The following WDHD1 variants were observed in gnomAD, a reference collection of about 807,000 sequenced individuals.
The protein encoded by WDHD1 is WD repeat and HMG-box DNA-binding protein 1.
Under a neutral mutation model 135.4 loss-of-function variants are expected in WDHD1, and 111 were observed. The observed-to-expected ratio is 0.82, with a 90% CI of 0.70 to 0.96. The LOEUF (loss-of-function observed/expected upper bound fraction) is 0.96. Ranked by LOEUF, WDHD1 falls within the 40% of genes least tolerant of loss-of-function variation. The pLI is 0.00. For missense variants in WDHD1, 1,351 were observed against 1,336.3 expected, an observed-to-expected ratio of 1.01 and a Z score of -0.17; for synonymous variants, 434 against 439.0, an observed-to-expected ratio of 0.99 and a Z score of 0.14.
intron 10 of WDHD1, among the ~76,000 whole-genome samples, chr14:54,996,898 T>C (rs960282972): frequency 9.2e-5 from 14 of 151,934 alleles, no homozygotes; most frequent in South Asian, 2.1e-4. Flanking sequence ...TTCAAGCGAT[T>C]CTCCTGCCTC....
chr14:54,981,881 A>C lies in WDHD1; in HGVS notation c.1907-185T>G, dbSNP rs991058611. ...ACCATATAAAGTAAGACCTAACTAA[A>C]AAAAGAAAAAACATTGGATTTGATA... On this transcript the variant is annotated intron_variant, in intron 15 of 25. Coordinates refer to ENST00000360586, the MANE Select transcript of WDHD1 (RefSeq NM_007086.4). Among the ~76,000 whole-genome samples, 4 of 152,204 alleles carry C rather than the reference A, an allele frequency of 2.6e-5. No homozygotes were observed. In the East Asian group the frequency reaches 7.7e-4, roughly 29 times the overall value.
intron 7 of WDHD1, chr14:55,005,307 T>C (rs2042046995): frequency 3.6e-6 from 2 of 551,148 alleles, no homozygotes; most frequent in Non-Finnish European, 3.5e-6. Flanking sequence ...TGATCAGCAC[T>C]GGGATTAGTC....
chr14:55,008,759 C>A, intron 4 of WDHD1, 40 bp from the exon 5 acceptor site: 2 of 1,346,194 alleles, frequency 1.5e-6, no homozygotes, highest in Middle Eastern at 1.9e-4. Context: ...TAAATGCTAA[C>A]ACAAAGGCCT....
At chr14:55,001,131 C>A in intron 8 of WDHD1, 139 bp from the exon 9 acceptor site, 1 of 453,638 alleles carries the variant, frequency 2.2e-6, no homozygotes, top group Non-Finnish European at 3.8e-6. Flanking sequence ...TTTTTATATC[C>A]CTGTTCTATA....
intron 16 of WDHD1, among the ~76,000 whole-genome samples, chr14:54,970,553 GAATC>G (rs1005713895): frequency 6.8e-6 from 1 of 146,066 alleles, no homozygotes; most frequent in Non-Finnish European, 1.5e-5. Context: ...TGGATTAGAA[GAATC>G]AATATCATTA....
intron 16 of WDHD1, among the ~76,000 whole-genome samples, chr14:54,973,938 A>C (rs1015841036): frequency 1.1e-4 from 17 of 152,160 alleles, no homozygotes; most frequent in African/African-American, 3.1e-4. Flanking sequence ...AGCTTTAGAG[A>C]CTTCAACTAA....
At chr14:54,985,443 A>G (rs1328074024) in intron 14 of WDHD1, among the ~76,000 whole-genome samples, 1 of 152,214 alleles carries the variant, frequency 6.6e-6, no homozygotes, top group East Asian at 1.9e-4. Flanking sequence ...CGAAGAACAC[A>G]AAGAGGCAGT....
intron 2 of WDHD1, among the ~76,000 whole-genome samples, chr14:55,021,864 G>A (rs776671818): frequency 5.9e-5 from 9 of 152,172 alleles, no homozygotes; most frequent in Admixed American, 2.0e-4. Context: ...TTTCGGGCTC[G>A]ATGGCCTTCA....
chr14:54,952,151 G>A (rs2041067846), intron 24 of WDHD1, among the ~76,000 whole-genome samples: 2 of 152,144 alleles, frequency 1.3e-5, no homozygotes, highest in Admixed American at 6.6e-5. Flanking sequence ...GGGCAATCAG[G>A]CAGGAGAAAG....
chr14:54,990,724 C>G (rs979458482), intron 12 of WDHD1, among the ~76,000 whole-genome samples: 8 of 151,834 alleles, frequency 5.3e-5, no homozygotes, highest in African/African-American at 1.9e-4. Flanking sequence ...TATCAGTAAA[C>G]AAAACAAAAA....
intron 18 of WDHD1, among the ~76,000 whole-genome samples, chr14:54,964,220 A>G (rs2041304164): frequency 6.6e-6 from 1 of 152,214 alleles, no homozygotes; most frequent in Non-Finnish European, 1.5e-5. Context: ...TAGATATTCC[A>G]TGTCTGATCC....
intron 25 of WDHD1, among the ~76,000 whole-genome samples, chr14:54,943,886 G>A (rs2040877132): frequency 6.6e-6 from 1 of 151,342 alleles, no homozygotes; most frequent in Non-Finnish European, 1.5e-5. Flanking sequence ...GGAGGTCGAG[G>A]TGGCAGTGAG....
At position 54,955,638 on chromosome 14, in the gene WDHD1, T is replaced by TTCC; in HGVS notation, c.2970_2972dup (p.Glu991dup). The TTCC allele has an allele frequency of 6.3e-7, 1 of 1,592,586 alleles. No individual in the cohort carries two copies. Among genetic ancestry groups the TTCC allele is most frequent in the Non-Finnish European group, 8.5e-7 (1 of 1,172,200 alleles). ...CATTTTTAAGATTTTCTTCTTTCAC[T>TTCC]TCCTCAGTTTTATTAGTTTGAGAAT... On this transcript the variant is annotated inframe_insertion, in exon 24 of 26. Transcript: ENST00000360586.
intron 16 of WDHD1, among the ~76,000 whole-genome samples, chr14:54,978,479 G>A (rs944100788): frequency 6.6e-6 from 1 of 151,972 alleles, no homozygotes; most frequent in African/African-American, 2.4e-5. Flanking sequence ...TACCTACTCA[G>A]GAGACTGAGG....
intron 4 of WDHD1, among the ~76,000 whole-genome samples, chr14:55,009,817 TCTTTC>T (rs1418070543): frequency 6.6e-6 from 1 of 152,086 alleles, no homozygotes; most frequent in African/African-American, 2.4e-5. Flanking sequence ...GCAGTATATT[TCTTTC>T]CTTTTTTTCT....
At position 54,991,404 on chromosome 14, in the gene WDHD1, C is replaced by T. The variant is rs200333566; in HGVS notation, c.1154-4G>A. The T allele has an allele frequency of 1.2e-4, 197 of 1,612,622 alleles. No individual in the cohort carries two copies. The African/African-American group carries it at 2.1e-3, about 17-fold the overall frequency. On this transcript the variant is annotated splice_region_variant and splice_polypyrimidine_tract_variant and intron_variant, in intron 11 of 25. Transcript: ENST00000360586. ...CCAGTTTTTAGCATTGAAATATCTACAACACAAAGGATCATAATTAAGGGA... is the reference window on the plus strand; with the variant it reads ...CCAGTTTTTAGCATTGAAATATCTATAACACAAAGGATCATAATTAAGGGA...
intron 7 of WDHD1, among the ~76,000 whole-genome samples, chr14:55,003,391 G>A (rs1197395775): frequency 6.6e-6 from 1 of 151,764 alleles, no homozygotes; most frequent in Non-Finnish European, 1.5e-5. Context: ...CGTGCCTCTA[G>A]TCCCAGCTAC....
rs568427917 is a variant in WDHD1, at chr14:54,950,911, G to A, written c.3050+4650C>T. On this transcript the variant is annotated intron_variant, in intron 24 of 25. Coordinates refer to ENST00000360586, the MANE Select transcript of WDHD1 (RefSeq NM_007086.4). ...CCTGAATGACTACTGGGTACATAAC[G>A]AAATGAAGGCAGAAATAAAGATGTT... Among the ~76,000 whole-genome samples the A allele has an allele frequency of 4.1e-4, 63 of 152,196 alleles. 1 individual carries two copies. In the Middle Eastern group the frequency reaches 0.01, roughly 25 times the overall value.
chr14:54,974,340 G>A (rs1032446463), intron 16 of WDHD1, among the ~76,000 whole-genome samples: 12 of 151,936 alleles, frequency 7.9e-5, no homozygotes, highest in African/African-American at 4.8e-5. Flanking sequence ...GGCGGAGGAC[G>A]GAGGATCGCT....
Sources: allele counts gnomAD v4.1 joint callset (sites outside exome capture counted in the v4.1 genomes callset), GRCh38; gene constraint gnomAD v4.1.1; transcripts MANE v1.5; gene names NCBI Gene and HGNC (gene_info 2026-07-23, HGNC 2026-07-21).